The following TBC1D22A variants were observed in gnomAD, a reference collection of about 807,000 sequenced individuals.
TBC1D22A encodes the protein putative GTPase activator.
TBC1D22A carries 38 observed loss-of-function variants against 60.2 expected under a neutral mutation model. That is an observed-to-expected ratio of 0.63 (90% CI 0.49 to 0.83). The LOEUF (loss-of-function observed/expected upper bound fraction) is 0.83, where lower values mean the gene tolerates loss of function less well. Among genes scored for constraint, TBC1D22A ranks in the 40% least tolerant of loss-of-function variants. The pLI, the probability that TBC1D22A is intolerant of heterozygous loss-of-function variation, is 0.00. For synonymous variants in TBC1D22A, 302 were observed against 281.7 expected (o/e 1.07, Z -0.72); for missense variants, 628 against 701.0 (o/e 0.90, Z 1.18).
intron 5 of TBC1D22A, among the ~76,000 whole-genome samples, chr22:46,885,730 A>G (rs1288470723): frequency 6.6e-6 from 1 of 152,034 alleles, no homozygotes; most frequent in Middle Eastern, 3.2e-3. Flanking sequence ...GGGCAGGGCT[A>G]GGTACCCAAC....
chr22:47,126,632 C>T (rs1416464558), intron 12 of TBC1D22A, among the ~76,000 whole-genome samples: 1 of 152,368 alleles, frequency 6.6e-6, no homozygotes, highest in South Asian at 2.1e-4. Context: ...GCTGTCTTCT[C>T]TGGAAACAGG....
intron 5 of TBC1D22A, among the ~76,000 whole-genome samples, chr22:46,887,093 G>A (rs1029054300): frequency 1.3e-4 from 20 of 152,218 alleles, no homozygotes; most frequent in Non-Finnish European, 2.9e-4. Context: ...GCTGTTGGCA[G>A]CAGGGCTCAC....
chr22:47,136,709 C>T (rs1323052677), intron 12 of TBC1D22A, among the ~76,000 whole-genome samples: 1 of 152,224 alleles, frequency 6.6e-6, no homozygotes, highest in Non-Finnish European at 1.5e-5. Flanking sequence ...CCACCCTGAG[C>T]TTGTGCATGC....
chr22:47,014,987 C>T (rs1391474892), intron 10 of TBC1D22A, among the ~76,000 whole-genome samples: 2 of 152,222 alleles, frequency 1.3e-5, no homozygotes, highest in Non-Finnish European at 2.9e-5. Context: ...TCCTCCCTGG[C>T]ACCTGTGCAC....
chr22:46,986,771 C>CT (rs2074739876), intron 9 of TBC1D22A, among the ~76,000 whole-genome samples: 1 of 152,186 alleles, frequency 6.6e-6, no homozygotes, highest in Admixed American at 6.5e-5. Flanking sequence ...ACTGCTGTAG[C>CT]ATAACAAATG....
intron 6 of TBC1D22A, among the ~76,000 whole-genome samples, chr22:46,893,785 T>G (rs1375504517): frequency 6.6e-6 from 1 of 152,200 alleles, no homozygotes; most frequent in Non-Finnish European, 1.5e-5. Flanking sequence ...CTCCTCCTCC[T>G]CGGCAGCACT....
intron 9 of TBC1D22A, 72 bp downstream of exon 9, chr22:46,974,471 G>C: frequency 7.6e-7 from 1 of 1,317,562 alleles, no homozygotes; most frequent in South Asian, 1.3e-5. Flanking sequence ...GAGGCCTTAG[G>C]CTGCTCCTGA....
At chr22:47,041,473 G>T (rs1015237723) in intron 11 of TBC1D22A, among the ~76,000 whole-genome samples, 6 of 152,246 alleles carry the variant, frequency 3.9e-5, no homozygotes, top group African/African-American at 1.4e-4. Flanking sequence ...GGACTGGAGT[G>T]TGAGAATCTG....
At position 46,950,701 on chromosome 22, in the gene TBC1D22A, G is replaced by T. The variant is rs191956778; in HGVS notation, c.1016-23589G>T. Among the ~76,000 whole-genome samples, 7 of 152,300 alleles carry T rather than the reference G, an allele frequency of 4.6e-5. 1 individual carries two copies. Among genetic ancestry groups the T allele is most frequent in the East Asian group, 1.9e-4 (1 of 5,186 alleles). On this transcript the variant is annotated intron_variant, in intron 8 of 12. Coordinates refer to ENST00000337137, the MANE Select transcript of TBC1D22A (RefSeq NM_014346.5). ...AGCTTTCCTAGATTGAGGTATTCAC[G>T]GTAGATGTGCGCGAATGACGGGTGA...
In TBC1D22A at chr22:47,037,167, G is replaced by A. The variant is rs766052184; in HGVS notation, c.1298G>A (p.Arg433His). 5.9e-5 allele frequency: 95 copies of A among 1,613,790 alleles called. No individual in the cohort carries two copies. Among genetic ancestry groups the A allele is most frequent in the South Asian group, 2.7e-4 (25 of 91,084 alleles). Residue 433 changes from arginine (R) to histidine (H), a missense_variant, in exon 11 of 13, where the codon CGT becomes CAT. By Grantham distance (29) the Arg-to-His change is conservative. Coordinates refer to ENST00000337137, the MANE Select transcript of TBC1D22A (RefSeq NM_014346.5). ...NNLLMREVPL[R>H]CTIRLWDTYQ... ...CTGCTGATGAGGGAGGTGCCCCTGC[G>A]TTGTACCATCCGCCTGTGGGACACC...
intron 1 of TBC1D22A, among the ~76,000 whole-genome samples, chr22:46,764,866 T>C (rs2083231720): frequency 6.6e-6 from 1 of 152,196 alleles, no homozygotes; most frequent in South Asian, 2.1e-4. Flanking sequence ...ACAGAGAGCA[T>C]GGCCCTGCAG....
intron 7 of TBC1D22A, among the ~76,000 whole-genome samples, chr22:46,901,557 G>T (rs1278072072): frequency 6.6e-6 from 1 of 152,192 alleles, no homozygotes; most frequent in African/African-American, 2.4e-5. Flanking sequence ...CATCGCGAGA[G>T]AGTTCTACCC....
chr22:46,763,394 G>GTTTTTTTTTTT (rs61285872), intron 1 of TBC1D22A: 1 of 66,624 alleles, frequency 1.5e-5, no homozygotes, highest in African/African-American at 6.4e-5. Context: ...TTAGCAGGAA[G>GTTTTTTTTTTT]TTTTTTTTTT....
At chr22:46,962,406 G>T (rs2073556655) in intron 8 of TBC1D22A, among the ~76,000 whole-genome samples, 1 of 152,208 alleles carries the variant, frequency 6.6e-6, no homozygotes, top group African/African-American at 2.4e-5. Context: ...GGCCCTGCTG[G>T]CTGTAGAATA....
intron 1 of TBC1D22A, among the ~76,000 whole-genome samples, chr22:46,786,553 C>A (rs1170707283): frequency 6.6e-6 from 1 of 152,078 alleles, no homozygotes; most frequent in Non-Finnish European, 1.5e-5. Flanking sequence ...ACCTCCTTTT[C>A]TAGGTTTTGG....
intron 12 of TBC1D22A, among the ~76,000 whole-genome samples, chr22:47,166,198 T>C (rs903821468): frequency 1.3e-5 from 2 of 152,002 alleles, no homozygotes; most frequent in Non-Finnish European, 2.9e-5. Context: ...GTATCTTCAG[T>C]GTGCACAGAG....
chr22:47,057,775 G>A (rs1001935087), intron 11 of TBC1D22A, among the ~76,000 whole-genome samples: 5 of 152,138 alleles, frequency 3.3e-5, no homozygotes, highest in Admixed American at 6.5e-5. Context: ...CTCCCACTGG[G>A]TCCCTCCCAT....
rs2083576764 is a variant in TBC1D22A at position 46,773,534 on chromosome 22, A to G, written c.62+10686A>G. Among the ~76,000 whole-genome samples, 3 of 152,178 alleles carry G rather than the reference A, an allele frequency of 2.0e-5. No individual in the cohort carries two copies. In the South Asian group the frequency reaches 6.2e-4, roughly 32 times the overall value. On this transcript the variant is annotated intron_variant, in intron 1 of 12. Coordinates refer to ENST00000337137, the MANE Select transcript of TBC1D22A (RefSeq NM_014346.5). ...GGCTGGAATACAATGGTGCCATCTC[A>G]GCTCACTGTAACCTCTGCCTCCCGG...
chr22:46,957,006 C>T (rs374266450), intron 8 of TBC1D22A, among the ~76,000 whole-genome samples: 7 of 152,176 alleles, frequency 4.6e-5, no homozygotes, highest in Admixed American at 6.5e-5. Context: ...GCCCTGGCAG[C>T]GCTGGGCAGA....
Sources: gnomAD v4.1 joint callset for allele counts (sites outside exome capture counted in the v4.1 genomes callset) on GRCh38, gnomAD v4.1.1 for gene constraint, MANE v1.5 for transcripts, NCBI Gene and HGNC (gene_info 2026-07-23, HGNC 2026-07-21) for gene names.